Variants in NIBAN1 observed in about 807,000 individuals in gnomAD.
NIBAN1 encodes protein Niban 1.
NIBAN1 carries 81 observed loss-of-function variants against 75.1 expected under a neutral mutation model. That is an observed-to-expected ratio of 1.08 (90% CI 0.90 to 1.30). NIBAN1 has a LOEUF of 1.30. NIBAN1 is among the 50% of genes most tolerant of loss of function. NIBAN1 has a pLI of 0.00. For synonymous variants in NIBAN1, 436 were observed against 424.8 expected (o/e 1.03, Z -0.32); for missense variants, 1,133 against 1,128.1 (o/e 1.00, Z -0.06).
At chr1:184,818,357 C>A (rs189566234) in intron 9 of NIBAN1, among the ~76,000 whole-genome samples, 6 of 152,092 alleles carry the variant, frequency 3.9e-5, no homozygotes, top group African/African-American at 1.2e-4. Flanking sequence ...ACTAAGTTTG[C>A]CTTTAATATA....
Position 184,877,954 on chromosome 1 carries a change from AT to A in NIBAN1, c.601+6678del, listed in dbSNP as rs1355426105. ...AATGAACTTTAACTCTGCTTATGTA[AT>A]TTTTTTAATGATTGTTCCAATTTGT... On this transcript the variant is annotated intron_variant, in intron 5 of 13. Transcript: ENST00000367511. 2.6e-5 allele frequency among the ~76,000 whole-genome samples: 4 copies of A among 152,098 alleles called. No homozygotes were observed. The South Asian group carries it at 8.3e-4, about 32-fold the overall frequency.
chr1:184,898,470 G>T (rs1007155101), intron 2 of NIBAN1, among the ~76,000 whole-genome samples: 1 of 152,082 alleles, frequency 6.6e-6, no homozygotes, highest in Non-Finnish European at 1.5e-5. Context: ...ACAAAAATTA[G>T]CTGGGTGTGG....
At chr1:184,944,071 T>G (rs1330600263) in intron 1 of NIBAN1, among the ~76,000 whole-genome samples, 3 of 152,208 alleles carry the variant, frequency 2.0e-5, no homozygotes, top group African/African-American at 7.2e-5. Context: ...TGTCTTTGTG[T>G]ACATGGAGCA....
At position 184,808,358 on chromosome 1, in the gene NIBAN1, G is replaced by T. The variant is rs529906152; in HGVS notation, c.1174-123C>A. On this transcript the variant is annotated intron_variant, in intron 9 of 13. Coordinates refer to ENST00000367511, the MANE Select transcript of NIBAN1 (RefSeq NM_052966.4). ...AGTTGTTAAAGTGAATCACTACTTG[G>T]ATCCCTACATCTGTGACACCTTCAA... is the stretch of plus-strand genomic sequence containing the variant. 5.8e-5 allele frequency: 56 copies of T among 969,238 alleles called. No homozygotes were observed. The South Asian group carries it at 8.0e-4, about 14-fold the overall frequency. The allele number at this position is 969,238 out of a possible 1,614,324, so 60.0% of individuals were successfully genotyped here.
chr1:184,854,535 C>T (rs962633033), intron 5 of NIBAN1, among the ~76,000 whole-genome samples: 3 of 152,202 alleles, frequency 2.0e-5, no homozygotes, highest in African/African-American at 7.2e-5. Context: ...CACTCATAAA[C>T]CCTACCTCAT....
chr1:184,834,439 T>A (rs1304519024), intron 5 of NIBAN1, among the ~76,000 whole-genome samples: 8 of 152,146 alleles, frequency 5.3e-5, no homozygotes, highest in Non-Finnish European at 8.8e-5. Flanking sequence ...ACCACAGTCT[T>A]CCATAATGGT....
Position 184,856,509 on chromosome 1 carries a change from G to A in NIBAN1, c.602-24547C>T, listed in dbSNP as rs1409345915. On this transcript the variant is annotated intron_variant, in intron 5 of 13. Coordinates refer to ENST00000367511, the MANE Select transcript of NIBAN1 (RefSeq NM_052966.4). ...CAAAGGTGACACATTCAAAACATGG[G>A]GAAAAATTTTAAGCTGGAAAAAAGG... Among the ~76,000 whole-genome samples, 3 of 152,012 alleles carry A rather than the reference G, an allele frequency of 2.0e-5. No homozygotes were observed. In the East Asian group the frequency reaches 5.8e-4, roughly 29 times the overall value.
intron 3 of NIBAN1, among the ~76,000 whole-genome samples, chr1:184,893,192 A>C (rs933758310): frequency 6.6e-6 from 1 of 152,196 alleles, no homozygotes; most frequent in Non-Finnish European, 1.5e-5. Flanking sequence ...CAGACTAAAA[A>C]ATGTGTACAG....
intron 5 of NIBAN1, among the ~76,000 whole-genome samples, chr1:184,838,437 A>T (rs1394260765): frequency 6.6e-6 from 1 of 152,204 alleles, no homozygotes; most frequent in Non-Finnish European, 1.5e-5. Flanking sequence ...AACGATAAGC[A>T]TTTGGGGAGA....
chr1:184,808,541 A>G (rs1654273982), intron 9 of NIBAN1, among the ~76,000 whole-genome samples: 1 of 152,148 alleles, frequency 6.6e-6, no homozygotes, highest in South Asian at 2.1e-4. Flanking sequence ...TCCCACTTCC[A>G]GAGCTCAAGA....
intron 1 of NIBAN1, among the ~76,000 whole-genome samples, chr1:184,954,708 A>G (rs1171088481): frequency 2.0e-5 from 3 of 152,224 alleles, no homozygotes. Context: ...CTGGAAACTT[A>G]AATCTTGGAA....
chr1:184,899,034 C>A, intron 2 of NIBAN1, 145 bp downstream of exon 2: 1 of 854,140 alleles, frequency 1.2e-6, no homozygotes, highest in Non-Finnish European at 1.8e-6. Context: ...AACTTCCAGG[C>A]AAATAGAGTT....
intron 1 of NIBAN1, among the ~76,000 whole-genome samples, chr1:184,953,126 C>G (rs1020684330): frequency 6.6e-6 from 1 of 152,214 alleles, no homozygotes; most frequent in Admixed American, 6.5e-5. Flanking sequence ...ATGTCCCTAT[C>G]ACAGTGTTAA....
chr1:184,813,732 A>G (rs955788213), intron 9 of NIBAN1, among the ~76,000 whole-genome samples: 1 of 152,254 alleles, frequency 6.6e-6, no homozygotes, highest in African/African-American at 2.4e-5. Flanking sequence ...GAAATGTTGT[A>G]TAATTTGAAG....
intron 5 of NIBAN1, among the ~76,000 whole-genome samples, chr1:184,868,770 C>G (rs934878985): frequency 6.6e-6 from 1 of 152,054 alleles, no homozygotes; most frequent in Non-Finnish European, 1.5e-5. Flanking sequence ...ACACAGGGCA[C>G]ACAGTATGCG....
At chr1:184,833,949 G>A (rs1047588495) in intron 5 of NIBAN1, among the ~76,000 whole-genome samples, 6 of 150,662 alleles carry the variant, frequency 4.0e-5, no homozygotes, top group Non-Finnish European at 8.8e-5. Flanking sequence ...ATGCAGGTTT[G>A]CTGCACCCAT....
chr1:184,963,612 T>G (rs2102083917), intron 1 of NIBAN1, among the ~76,000 whole-genome samples: 1 of 152,266 alleles, frequency 6.6e-6, no homozygotes, highest in East Asian at 1.9e-4. Flanking sequence ...TCTGGTGCTC[T>G]TAAAATAACC....
At chr1:184,817,012 G>A (rs1654556419) in intron 9 of NIBAN1, among the ~76,000 whole-genome samples, 1 of 152,098 alleles carries the variant, frequency 6.6e-6, no homozygotes, top group Non-Finnish European at 1.5e-5. Flanking sequence ...TTCTCCTAAT[G>A]CTATCCCTCC....
intron 5 of NIBAN1, among the ~76,000 whole-genome samples, chr1:184,867,421 C>T (rs1053704961): frequency 6.6e-6 from 1 of 152,154 alleles, no homozygotes; most frequent in Non-Finnish European, 1.5e-5. Context: ...AAGGAGAATA[C>T]AACTTTGTGG....
Sources: allele counts gnomAD v4.1 joint callset (sites outside exome capture counted in the v4.1 genomes callset), GRCh38; gene constraint gnomAD v4.1.1; transcripts MANE v1.5; gene names NCBI Gene and HGNC (gene_info 2026-07-23, HGNC 2026-07-21).